The following KANK4 variants were observed in gnomAD, a reference collection of about 807,000 sequenced individuals.
KANK4 encodes the protein KN motif and ankyrin repeat domains 4.
KANK4 carries 50 observed loss-of-function variants against 80.8 expected under a neutral mutation model. The observed-to-expected ratio is 0.62, with a 90% confidence interval of 0.49 to 0.78. The LOEUF is 0.78. KANK4 is among the 30% of genes least tolerant of loss of function. The pLI, the probability that KANK4 is intolerant of heterozygous loss-of-function variation, is 0.00. For missense variants in KANK4, 1,196 were observed against 1,240.1 expected (o/e 0.96, Z 0.53); for synonymous variants, 465 against 506.9 (o/e 0.92, Z 1.11).
At chr1:62,318,663 G>A (rs1644562951) in intron 1 of KANK4, among the ~76,000 whole-genome samples, 1 of 152,192 alleles carries the variant, frequency 6.6e-6, no homozygotes, top group Non-Finnish European at 1.5e-5. Flanking sequence ...GGAGCCCGCG[G>A]CAAAGAACGC....
chr1:62,313,927 C>T (rs1009964875), intron 1 of KANK4, among the ~76,000 whole-genome samples: 3 of 152,134 alleles, frequency 2.0e-5, no homozygotes, highest in Non-Finnish European at 4.4e-5. Flanking sequence ...TACTCAACGT[C>T]GTACCTAATA....
At chr1:62,293,600 A>T (rs1672730200) in intron 1 of KANK4, among the ~76,000 whole-genome samples, 1 of 152,196 alleles carries the variant, frequency 6.6e-6, no homozygotes, top group Non-Finnish European at 1.5e-5. Flanking sequence ...CTTGGCATTA[A>T]TAAACAAAAA....
At chr1:62,269,639 T>C (rs1672111614) in intron 4 of KANK4, among the ~76,000 whole-genome samples, 1 of 152,242 alleles carries the variant, frequency 6.6e-6, no homozygotes, top group Admixed American at 6.5e-5. Context: ...CAGGAATTTA[T>C]TGAGCACCTA....
At chr1:62,275,109 A>T (rs753712343) in intron 2 of KANK4, 22 bp from the exon 3 acceptor site, 4 of 752,850 alleles carry the variant, frequency 5.3e-6, no homozygotes, top group East Asian at 1.0e-4. Flanking sequence ...AAGACAAGTT[A>T]AAAAAAAAAA....
chr1:62,302,838 T>C (rs1644422895), intron 1 of KANK4, among the ~76,000 whole-genome samples: 1 of 151,980 alleles, frequency 6.6e-6, no homozygotes, highest in African/African-American at 2.4e-5. Flanking sequence ...AGAGGTGAAA[T>C]AGTTTACCCA....
intron 1 of KANK4, among the ~76,000 whole-genome samples, chr1:62,308,690 C>T (rs992851288): frequency 2.0e-5 from 3 of 152,206 alleles, no homozygotes; most frequent in African/African-American, 7.2e-5. Context: ...GCTACCACCA[C>T]CACAACCACC....
At chr1:62,294,162 C>T (rs1206720494) in intron 1 of KANK4, among the ~76,000 whole-genome samples, 1 of 152,176 alleles carries the variant, frequency 6.6e-6, no homozygotes, top group African/African-American at 2.4e-5. Context: ...TTTCTCTTCT[C>T]CTTTAATCCT....
At chr1:62,253,239 G>C (rs1177962772) in intron 7 of KANK4, 30 bp from the exon 8 acceptor site, 1 of 1,576,080 alleles carries the variant, frequency 6.3e-7, no homozygotes, top group African/African-American at 1.4e-5. Flanking sequence ...TGCTGCAAAG[G>C]CTCCTGAGGG....
intron 8 of KANK4, among the ~76,000 whole-genome samples, chr1:62,252,085 G>C (rs576942441): frequency 6.6e-6 from 1 of 152,064 alleles, no homozygotes; most frequent in Non-Finnish European, 1.5e-5. Context: ...TACTTTGGTA[G>C]TGCATGAGTT....
chr1:62,236,327 G>A lies in KANK4; in HGVS notation c.*1950C>T, dbSNP rs1461884965. On this transcript the variant is annotated 3_prime_UTR_variant, in exon 10 of 10. Coordinates refer to ENST00000371153, the MANE Select transcript of KANK4 (RefSeq NM_181712.5). ...CTACTGCCTTCTAACAAGATCCCAG[G>A]TGATTTGTATGCACATAAATGTTCG... Among the ~76,000 whole-genome samples, 1 of 152,196 alleles carries A rather than the reference G, an allele frequency of 6.6e-6. No homozygotes were observed. Among genetic ancestry groups the A allele is most frequent in the Non-Finnish European group, 1.5e-5 (1 of 68,044 alleles).
chr1:62,301,529 A>G (rs12089198), intron 1 of KANK4, among the ~76,000 whole-genome samples: 2,095 of 152,080 alleles, frequency 0.014, 51 homozygotes, highest in African/African-American at 0.048. Context: ...GTAGCCTGGG[A>G]CTAGACCGGA....
chr1:62,300,192 C>T (rs1644400316), intron 1 of KANK4, among the ~76,000 whole-genome samples: 1 of 152,176 alleles, frequency 6.6e-6, no homozygotes, highest in Admixed American at 6.5e-5. Context: ...CTTTCTCAAC[C>T]ATTGAGTCCC....
rs149598249 is a variant in KANK4, at chr1:62,274,278, A to C, written c.826T>G (p.Leu276Val). Residue 276 changes from leucine (L) to valine (V), a missense_variant, in exon 3 of 10, where the codon TTG (leucine) becomes GTG (valine). By Grantham distance (32) the Leu-to-Val change is conservative (BLOSUM62 1). This residue lies in a region of KANK4 where 1,154 missense variants were observed against 1,179.6 expected (regional missense o/e 0.98). Transcript: ENST00000371153. ...DEHNAREAEV[L>V]FTPGSPTPSP... is the part of the protein sequence containing the mutation. ...GGCGTAGGGGAGCCAGGGGTGAACA[A>C]CACCTCTGCTTCTCTGGCATTGTGT... is the stretch of plus-strand genomic sequence containing the variant. The C allele has an allele frequency of 1.2e-6, 2 of 1,613,916 alleles. No homozygotes were observed. The highest frequency in any genetic ancestry group is 2.7e-5 in the African/African-American group (2 of 74,930).
chr1:62,288,578 T>C (rs891516709), intron 1 of KANK4, among the ~76,000 whole-genome samples: 1 of 152,172 alleles, frequency 6.6e-6, no homozygotes, highest in Non-Finnish European at 1.5e-5. Flanking sequence ...AAAGAAATTA[T>C]GCATGTGAGA....
chr1:62,259,106 G>A (rs957012752), intron 7 of KANK4, among the ~76,000 whole-genome samples: 15 of 152,198 alleles, frequency 9.9e-5, no homozygotes, highest in Non-Finnish European at 1.8e-4. Context: ...AGCAATAGGA[G>A]GCCACAGGAG....
chr1:62,294,400 C>G (rs1447832348), intron 1 of KANK4, among the ~76,000 whole-genome samples: 1 of 152,216 alleles, frequency 6.6e-6, no homozygotes, highest in Admixed American at 6.5e-5. Flanking sequence ...CCCCTGCACC[C>G]ACCCTCTTTG....
chr1:62,258,533 A>G (rs563689054), intron 7 of KANK4, among the ~76,000 whole-genome samples: 39 of 152,364 alleles, frequency 2.6e-4, no homozygotes, highest in African/African-American at 8.9e-4. Flanking sequence ...TTTCCCGTTC[A>G]GCTGAAGAGA....
chr1:62,240,262 C>A (rs1194315809), intron 9 of KANK4, among the ~76,000 whole-genome samples: 3 of 152,216 alleles, frequency 2.0e-5, no homozygotes, highest in Admixed American at 6.5e-5. Context: ...TCTCTGATGG[C>A]CAGTGATGAT....
chr1:62,274,087 T>TGGATCC lies in KANK4; in HGVS notation c.1011_1016dup (p.Asp338_Pro339dup). 2 of 1,614,216 alleles carry TGGATCC rather than the reference T, an allele frequency of 1.2e-6. No individual in the cohort carries two copies. The highest frequency in any genetic ancestry group is 1.7e-6 in the Non-Finnish European group (2 of 1,180,040). On this transcript the variant is annotated inframe_insertion, in exon 3 of 10. Coordinates refer to ENST00000371153, the MANE Select transcript of KANK4 (RefSeq NM_181712.5). ...GCTGTTTCAGGCTGGAGATGCTGCC[T>TGGATCC]GGATCCACCCTGGCAAGGCCCAGGC...
Sources: allele counts gnomAD v4.1 joint callset (sites outside exome capture counted in the v4.1 genomes callset), GRCh38; gene constraint gnomAD v4.1.1; regional missense constraint gnomAD v4.1.1; transcripts MANE v1.5; gene names NCBI Gene and HGNC (gene_info 2026-07-23, HGNC 2026-07-21).